Variants in TRIP12 observed in about 807,000 individuals in gnomAD.
TRIP12 encodes the protein E3 ubiquitin-protein ligase TRIP12.
In TRIP12, 25 loss-of-function variants were observed where a neutral mutation model predicts 244.2. That is an observed-to-expected ratio of 0.10 (90% CI 0.07 to 0.14). The LOEUF (loss-of-function observed/expected upper bound fraction) is 0.14. TRIP12 is among the 10% of genes least tolerant of loss of function. The probability of loss-of-function intolerance (pLI) is 1.00; values close to 1 mark genes in which losing one functional copy is unlikely to be tolerated. For missense variants in TRIP12, 1,677 were observed against 2,486.4 expected (o/e 0.67, Z 6.92); for synonymous variants, 905 against 873.1 (o/e 1.04, Z -0.64).
intron 1 of TRIP12, among the ~76,000 whole-genome samples, chr2:229,883,185 G>A (rs2065229712): frequency 1.3e-5 from 2 of 152,162 alleles, no homozygotes; most frequent in African/African-American, 4.8e-5. Flanking sequence ...CAAGTAATTT[G>A]TTGAAGAACC....
At chr2:229,811,996 T>C (rs943139667) in intron 13 of TRIP12, among the ~76,000 whole-genome samples, 1 of 152,230 alleles carries the variant, frequency 6.6e-6, no homozygotes, top group Non-Finnish European at 1.5e-5. Flanking sequence ...TTTTATCTTA[T>C]TTCTAAAGAA....
chr2:229,873,752 TAATA>T (rs761770964), intron 2 of TRIP12, among the ~76,000 whole-genome samples: 5 of 152,050 alleles, frequency 3.3e-5, no homozygotes, highest in Non-Finnish European at 7.4e-5. Flanking sequence ...TAAAGAAAAA[TAATA>T]AATAGAAGGC....
chr2:229,805,032 A>G (rs1362564834), intron 18 of TRIP12, among the ~76,000 whole-genome samples: 4 of 152,070 alleles, frequency 2.6e-5, no homozygotes, highest in Non-Finnish European at 5.9e-5. Context: ...CAGCCTCCTG[A>G]GTAGCTGGGA....
chr2:229,825,097 T>C (rs2051171935), intron 8 of TRIP12, among the ~76,000 whole-genome samples: 1 of 152,210 alleles, frequency 6.6e-6, no homozygotes, highest in Non-Finnish European at 1.5e-5. Flanking sequence ...GAAAGAACTG[T>C]AAAAACACTT....
intron 1 of TRIP12, among the ~76,000 whole-genome samples, chr2:229,895,198 A>T (rs1057057943): frequency 6.6e-6 from 1 of 152,242 alleles, no homozygotes; most frequent in African/African-American, 2.4e-5. Context: ...ACAACCAAAC[A>T]GAATTTCTAA....
intron 20 of TRIP12, 93 bp downstream of exon 20, chr2:229,803,478 T>C: frequency 2.6e-6 from 2 of 764,200 alleles, no homozygotes; most frequent in Non-Finnish European, 4.2e-6. Flanking sequence ...ATTTTTAAAT[T>C]GAAAAGCTAT....
Position 229,774,268 on chromosome 2 carries a change from A to C in TRIP12, c.5530-7T>G. The C allele has an allele frequency of 6.3e-7, 1 of 1,598,998 alleles. No homozygotes were observed. Among genetic ancestry groups the C allele is most frequent in the Non-Finnish European group, 8.5e-7 (1 of 1,174,710 alleles). On this transcript the variant is annotated splice_polypyrimidine_tract_variant and splice_region_variant and intron_variant, in intron 37 of 41. Coordinates refer to ENST00000675903, the MANE Select transcript of TRIP12 (RefSeq NM_001348323.3). Reference sequence around the variant, plus strand: ...ACTGTAGACTCTCTTTGGTCTAAAAAACACAAATGGGGGAGAAATGGTGTC... The same window carrying C: ...ACTGTAGACTCTCTTTGGTCTAAAACACACAAATGGGGGAGAAATGGTGTC...
intron 4 of TRIP12, among the ~76,000 whole-genome samples, chr2:229,852,115 C>A (rs1348751933): frequency 6.6e-6 from 1 of 152,196 alleles, no homozygotes; most frequent in Non-Finnish European, 1.5e-5. Flanking sequence ...AGGCTACATG[C>A]AAAGTCACCA....
chr2:229,896,918 C>T (rs2068997378), intron 1 of TRIP12, among the ~76,000 whole-genome samples: 1 of 152,116 alleles, frequency 6.6e-6, no homozygotes, highest in African/African-American at 2.4e-5. Context: ...TATGTCATTA[C>T]AAATTTGATA....
At chr2:229,831,500 T>C (rs950102009) in intron 6 of TRIP12, among the ~76,000 whole-genome samples, 3 of 152,158 alleles carry the variant, frequency 2.0e-5, no homozygotes, top group African/African-American at 7.2e-5. Context: ...ATAGTGAGAC[T>C]TGTAGTCCCA....
intron 4 of TRIP12, among the ~76,000 whole-genome samples, chr2:229,854,354 A>G (rs770539268): frequency 6.6e-6 from 1 of 152,218 alleles, no homozygotes; most frequent in Non-Finnish European, 1.5e-5. Context: ...AAATTGACCA[A>G]TGGCCAGGAC....
intron 34 of TRIP12, among the ~76,000 whole-genome samples, chr2:229,779,714 G>A (rs2037466542): frequency 6.6e-6 from 1 of 152,162 alleles, no homozygotes; most frequent in African/African-American, 2.4e-5. Flanking sequence ...ACATATAGGG[G>A]TGCCACGTCC....
chr2:229,886,134 G>A (rs373023895), intron 1 of TRIP12, among the ~76,000 whole-genome samples: 16 of 152,218 alleles, frequency 1.1e-4, no homozygotes, highest in African/African-American at 3.9e-4. Context: ...GATTTAGGAA[G>A]GAAGCAATAC....
chr2:229,893,583 C>T (rs371380732), intron 1 of TRIP12, among the ~76,000 whole-genome samples: 5 of 152,100 alleles, frequency 3.3e-5, no homozygotes, highest in African/African-American at 1.2e-4. Context: ...GCTTCTTTGA[C>T]TCAGCATAAT....
chr2:229,915,869 C>T (rs185490238), intron 1 of TRIP12, among the ~76,000 whole-genome samples: 249 of 152,082 alleles, frequency 1.6e-3, no homozygotes, highest in African/African-American at 5.8e-3. Context: ...TAATTTTTTA[C>T]TTTTAGTAGC....
chr2:229,799,443 A>G (rs1386751378), intron 21 of TRIP12, 60 bp from the exon 22 acceptor site: 3 of 1,481,228 alleles, frequency 2.0e-6, no homozygotes, highest in African/African-American at 2.8e-5. Flanking sequence ...ATCTTCACTC[A>G]CTGAAAAAGC....
chr2:229,909,869 A>G (rs898832472), intron 1 of TRIP12, among the ~76,000 whole-genome samples: 1 of 152,180 alleles, frequency 6.6e-6, no homozygotes, highest in African/African-American at 2.4e-5. Flanking sequence ...AACAAAAAAT[A>G]TATATATACC....
chr2:229,922,175 G>C (rs920728045), upstream of TRIP12: 3 of 205,750 alleles, frequency 1.5e-5, no homozygotes, highest in Non-Finnish European at 3.0e-5. Context: ...CACGCCTCCC[G>C]GCTCGACTCT....
chr2:229,869,881 T>C (rs953626498), intron 2 of TRIP12, among the ~76,000 whole-genome samples: 1 of 152,246 alleles, frequency 6.6e-6, no homozygotes, highest in Non-Finnish European at 1.5e-5. Context: ...CTCTTTGCTC[T>C]TCTCTGCCTG....
Sources: allele counts gnomAD v4.1 joint callset (sites outside exome capture counted in the v4.1 genomes callset), GRCh38; gene constraint gnomAD v4.1.1; transcripts MANE v1.5; gene names NCBI Gene and HGNC (gene_info 2026-07-23, HGNC 2026-07-21).